GTF3C1: variants seen among roughly 807,000 people sequenced by gnomAD.
GTF3C1 encodes general transcription factor IIIC subunit 1.
GTF3C1 carries 57 observed loss-of-function variants against 226.7 expected under a neutral mutation model. That is an observed-to-expected ratio of 0.25 (90% CI 0.20 to 0.31). The LOEUF (loss-of-function observed/expected upper bound fraction) is 0.31, where lower values mean the gene tolerates loss of function less well. Ranked by LOEUF, GTF3C1 falls within the 10% of genes least tolerant of loss-of-function variation. GTF3C1 has a pLI of 1.00. For missense variants in GTF3C1, 2,217 were observed against 2,776.1 expected, an observed-to-expected ratio of 0.80 and a Z score of 4.53; for synonymous variants, 1,090 against 1,084.8, an observed-to-expected ratio of 1.00 and a Z score of -0.09.
chr16:27,507,900 G>A lies in GTF3C1; in HGVS notation c.1242+640C>T, dbSNP rs1056778076. Among the ~76,000 whole-genome samples the A allele has an allele frequency of 3.2e-4, 48 of 152,266 alleles. No individual in the cohort carries two copies. Among genetic ancestry groups the A allele is most frequent in the Admixed American group, 6.5e-5 (1 of 15,292 alleles). On this transcript the variant is annotated intron_variant, in intron 8 of 36. Coordinates refer to ENST00000356183, the MANE Select transcript of GTF3C1 (RefSeq NM_001520.4). The surrounding 1 kb of genome is among the most constrained non-coding windows in gnomAD (Gnocchi z 4.9). ...AGAAGGAGGGCCAAGTGGGGATGGT[G>A]GAACCCTGGAGAGCACTGCTTTGTC... is the stretch of plus-strand genomic sequence containing the variant.
At position 27,461,028 on chromosome 16, in the gene GTF3C1, A is replaced by G. The variant is rs1305023843; in HGVS notation, c.*322T>C. ...GCCAGGAGATCCTGCCGAGATGGCT[A>G]GAGTCTGGAATGTGAGGTGTGCACA... is the stretch of plus-strand genomic sequence containing the variant. On this transcript the variant is annotated 3_prime_UTR_variant, in exon 37 of 37. Coordinates refer to ENST00000356183, the MANE Select transcript of GTF3C1 (RefSeq NM_001520.4). This position sits in a 1 kb window ranked among gnomAD's most constrained non-coding sequence, Gnocchi z 5.3. 1 of 240,900 alleles carries G rather than the reference A, an allele frequency of 4.2e-6. No homozygotes were observed. Among genetic ancestry groups the G allele is most frequent in the Non-Finnish European group, 8.1e-6 (1 of 123,304 alleles). The allele number at this position is 240,900 out of a possible 1,614,324, so 14.9% of individuals were successfully genotyped here.
intron 6 of GTF3C1, among the ~76,000 whole-genome samples, chr16:27,528,235 A>G (rs961846157): frequency 3.3e-5 from 5 of 152,238 alleles, no homozygotes; most frequent in Non-Finnish European, 5.9e-5. Flanking sequence ...AGATCGCACC[A>G]CTGCACTATG....
At chr16:27,528,819 AATTG>A (rs2088871539) in intron 5 of GTF3C1, 98 bp from the exon 6 acceptor site, 1 of 1,183,614 alleles carries the variant, frequency 8.4e-7, no homozygotes, top group South Asian at 1.2e-5. Flanking sequence ...GACCTGAATT[AATTG>A]ATTATCTTGA....
At chr16:27,478,063 C>T (rs1008031917) in intron 28 of GTF3C1, among the ~76,000 whole-genome samples, 3 of 151,864 alleles carry the variant, frequency 2.0e-5, no homozygotes, top group Admixed American at 6.6e-5. Context: ...CTCAGCTATT[C>T]GGGAGGCTGA....
chr16:27,476,427 T>C (rs1162481916), intron 29 of GTF3C1, 24 bp downstream of exon 29: 2 of 1,472,002 alleles, frequency 1.4e-6, no homozygotes, highest in Admixed American at 1.7e-5. Context: ...ATCCCCGCTG[T>C]GCTGCCGGGC....
At chr16:27,498,494 T>C (rs1596635392) in intron 13 of GTF3C1, 136 bp downstream of exon 13, 2 of 697,756 alleles carry the variant, frequency 2.9e-6, no homozygotes, top group East Asian at 2.5e-5. Flanking sequence ...GACTAGGAGA[T>C]CATGAACCAT....
intron 29 of GTF3C1, among the ~76,000 whole-genome samples, chr16:27,473,806 G>C (rs1451401959): frequency 3.9e-5 from 6 of 152,196 alleles, no homozygotes; most frequent in Non-Finnish European, 2.9e-5. Flanking sequence ...CAGACCTTAT[G>C]GGGGAACACT....
In GTF3C1 at chr16:27,492,523, G is replaced by A. The variant is rs754651127; in HGVS notation, c.2974-8C>T. The stretch of plus-strand genomic sequence containing the variant: ...CTTCAAGAAGATAAAGACCTAAGGG[G>A]AGACACCAGACAGGGAGAACCCACA... On this transcript the variant is annotated splice_region_variant and splice_polypyrimidine_tract_variant and intron_variant, in intron 18 of 36. Coordinates refer to ENST00000356183, the MANE Select transcript of GTF3C1 (RefSeq NM_001520.4). This position sits in a 1 kb window ranked among gnomAD's most constrained non-coding sequence, Gnocchi z 5.0. 39 of 1,608,400 alleles carry A rather than the reference G, an allele frequency of 2.4e-5. No homozygotes were observed. Among genetic ancestry groups the A allele is most frequent in the Middle Eastern group, 1.6e-4 (1 of 6,072 alleles).
rs751755587 is a variant in GTF3C1 at position 27,507,263 on chromosome 16, C to T, written c.1243-107G>A. On this transcript the variant is annotated intron_variant, in intron 8 of 36. Coordinates refer to ENST00000356183, the MANE Select transcript of GTF3C1 (RefSeq NM_001520.4). This position sits in a 1 kb window ranked among gnomAD's most constrained non-coding sequence, Gnocchi z 4.9. ...TCCTTATTGGCTTTCTTCTGTTTCTCCTGTCTTACTGCCTGGGCCCTGGGT... is the reference window on the plus strand; with the variant it reads ...TCCTTATTGGCTTTCTTCTGTTTCTTCTGTCTTACTGCCTGGGCCCTGGGT... 2.3e-6 allele frequency: 2 copies of T among 853,112 alleles called. No individual in the cohort carries two copies. Among genetic ancestry groups the T allele is most frequent in the Non-Finnish European group, 3.7e-6 (2 of 547,514 alleles). The allele number at this position is 853,112 out of a possible 1,614,324, so 52.8% of individuals were successfully genotyped here.
intron 12 of GTF3C1, among the ~76,000 whole-genome samples, chr16:27,499,030 C>T (rs531595776): frequency 1.3e-5 from 2 of 152,158 alleles, no homozygotes; most frequent in Admixed American, 6.5e-5. Flanking sequence ...CTTACTGGGC[C>T]GTCACAGCCC....
chr16:27,496,886 CTGTCT>C (rs2088327381), intron 14 of GTF3C1, among the ~76,000 whole-genome samples: 1 of 152,218 alleles, frequency 6.6e-6, no homozygotes, highest in Non-Finnish European at 1.5e-5. Context: ...AGTGCAAATG[CTGTCT>C]AGTTGCATGC....
chr16:27,544,596 G>A (rs1202140875), intron 2 of GTF3C1, among the ~76,000 whole-genome samples: 6 of 151,894 alleles, frequency 4.0e-5, no homozygotes, highest in Admixed American at 3.3e-4. Flanking sequence ...GAAAGAAGGT[G>A]GAAGTTAGCA....
intron 2 of GTF3C1, among the ~76,000 whole-genome samples, chr16:27,544,308 C>A (rs962597506): frequency 4.6e-5 from 7 of 151,606 alleles, no homozygotes; most frequent in African/African-American, 1.7e-4. Context: ...TCACCTGAGC[C>A]CAGGAGGTCA....
intron 10 of GTF3C1, 44 bp from the exon 11 acceptor site, chr16:27,503,039 G>A (rs761310288): frequency 6.5e-7 from 1 of 1,536,718 alleles, no homozygotes; most frequent in African/African-American, 1.4e-5. Context: ...GGCTCGGCAA[G>A]GCTTGGGGGC....
chr16:27,485,959 G>C, intron 24 of GTF3C1, 38 bp downstream of exon 24: 1 of 1,479,842 alleles, frequency 6.8e-7, no homozygotes, highest in South Asian at 1.2e-5. Context: ...AGCTCCGAGT[G>C]AGGGGCAGGC....
intron 6 of GTF3C1, among the ~76,000 whole-genome samples, chr16:27,525,888 C>A (rs2088826919): frequency 6.6e-6 from 1 of 152,202 alleles, no homozygotes; most frequent in African/African-American, 2.4e-5. Context: ...ATGTCACTAA[C>A]TCTAAGGATT....
At chr16:27,548,970 A>G (rs137913947) in intron 1 of GTF3C1, among the ~76,000 whole-genome samples, 1 of 152,202 alleles carries the variant, frequency 6.6e-6, no homozygotes, top group East Asian at 1.9e-4. Flanking sequence ...CCTGGCCAAC[A>G]TGATGACACC....
chr16:27,549,115 G>C (rs542982341), intron 1 of GTF3C1, among the ~76,000 whole-genome samples: 73 of 152,108 alleles, frequency 4.8e-4, no homozygotes, highest in African/African-American at 1.7e-3. Flanking sequence ...CCAAGATCGC[G>C]CCACTGCACT....
rs1244222582 is a variant in GTF3C1 at position 27,462,564 on chromosome 16, G to A, written c.5925-78C>T. 2.7e-6 allele frequency: 3 copies of A among 1,106,182 alleles called. No homozygotes were observed. The highest frequency in any genetic ancestry group is 4.0e-6 in the Non-Finnish European group (3 of 747,344). 68.5% of individuals were successfully genotyped at this position (1,106,182 alleles called of 1,614,324 possible). On this transcript the variant is annotated intron_variant, in intron 35 of 36. Transcript: ENST00000356183. The surrounding 1 kb of genome is among the most constrained non-coding windows in gnomAD (Gnocchi z 4.5). ...GTCCAGACAGAACACTGAGGCTCAG[G>A]GGCGTCCTAGGCCTGGCCCAGGTCA...
Sources: allele counts gnomAD v4.1 joint callset (sites outside exome capture counted in the v4.1 genomes callset), GRCh38; gene constraint gnomAD v4.1.1; non-coding constraint Gnocchi (gnomAD v3.1); transcripts MANE v1.5; gene names NCBI Gene and HGNC (gene_info 2026-07-23, HGNC 2026-07-21).